Variants in ACOT11 observed in about 807,000 individuals in gnomAD.
The protein encoded by ACOT11 is acyl-CoA thioesterase 11.
In ACOT11, 69 loss-of-function variants were observed where a neutral mutation model predicts 77.5. The ratio of observed to expected loss-of-function variants is 0.89; its 90% confidence interval spans 0.73 to 1.09. The LOEUF is 1.09. Ranked by LOEUF, ACOT11 falls within the 50% of genes least tolerant of loss-of-function variation. The probability of loss-of-function intolerance (pLI) is 0.00; values close to 1 mark genes in which losing one functional copy is unlikely to be tolerated. For synonymous variants in ACOT11, 279 were observed against 313.0 expected (o/e 0.89, Z 1.15); for missense variants, 766 against 813.7 (o/e 0.94, Z 0.71).
chr1:54,636,927 C>T, exon 17 of ACOT11: 1 of 159,206 alleles, frequency 6.3e-6, no homozygotes, highest in Non-Finnish European at 1.4e-5. Context: ...TCCATTTAAC[C>T]CTGAGTTGAC....
At chr1:54,608,879 C>T (rs548123711) in intron 15 of ACOT11, 78 bp from the exon 16 acceptor site, 81 of 1,426,988 alleles carry the variant, frequency 5.7e-5, no homozygotes, top group Non-Finnish European at 7.2e-5. Flanking sequence ...CCACCAGCCT[C>T]GTGCCCACTG....
rs1228467673 is a variant in ACOT11, at chr1:54,601,393, T to C, written c.1009T>C (p.Trp337Arg). The C allele has an allele frequency of 6.2e-7, 1 of 1,613,130 alleles. No homozygotes were observed. The highest frequency in any genetic ancestry group is 8.5e-7 in the Non-Finnish European group (1 of 1,179,966). Residue 337 changes from tryptophan (W) to arginine (R), a missense_variant, in exon 9 of 16, where the codon TGG (tryptophan) becomes CGG (arginine). By Grantham distance (101) the Trp-to-Arg change is moderately radical. Coordinates refer to ENST00000343744, the MANE Select transcript of ACOT11 (RefSeq NM_147161.4). ...DADDQPQLLP[W>R]IRPQPGDGER... ...AGATGACCAGCCCCAGTTGCTGCCC[T>C]GGATTCGGCCCCAGCCCGGCGTAAG...
exon 17 of ACOT11, chr1:54,634,748 A>T: frequency 1.4e-6 from 1 of 702,516 alleles, no homozygotes; most frequent in South Asian, 1.5e-5. Context: ...CATGAGCCAG[A>T]TGCCAAGGAA....
At position 54,597,530 on chromosome 1, in the gene ACOT11, C is replaced by T. The variant is rs538033701; in HGVS notation, c.764+115C>T. The T allele has an allele frequency of 2.3e-5, 29 of 1,280,406 alleles. 1 individual carries two copies. The South Asian group carries it at 4.5e-4, about 20-fold the overall frequency. The allele number at this position is 1,280,406 out of a possible 1,614,324, so 79.3% of individuals were successfully genotyped here. ...GGGTTGGCATTCAAGGCTTCAGAAG[C>T]TTGGCTGTTCTGAATCAGAGAAATG... On this transcript the variant is annotated intron_variant, in intron 7 of 15. Coordinates refer to ENST00000343744, the MANE Select transcript of ACOT11 (RefSeq NM_147161.4).
At position 54,552,454 on chromosome 1, in the gene ACOT11, T is replaced by C. The variant is rs373705004; in HGVS notation, c.33+4112T>C. 3.9e-5 allele frequency among the ~76,000 whole-genome samples: 6 copies of C among 152,238 alleles called. No homozygotes were observed. The East Asian group carries it at 1.2e-3, about 29-fold the overall frequency. On this transcript the variant is annotated intron_variant, in intron 1 of 15. Coordinates refer to ENST00000343744, the MANE Select transcript of ACOT11 (RefSeq NM_147161.4). Reference sequence around the variant, plus strand: ...AGGAGCCATATGTGAACCCCCAGCCTCAGCCATGGGCAGACACTCTTAGTG... The same window carrying C: ...AGGAGCCATATGTGAACCCCCAGCCCCAGCCATGGGCAGACACTCTTAGTG...
At chr1:54,612,070 G>A (rs950049838), downstream of ACOT11, among the ~76,000 whole-genome samples, 5 of 151,098 alleles carry the variant, frequency 3.3e-5, no homozygotes, top group African/African-American at 7.3e-5. Context: ...GGCATCAAGA[G>A]GGGGAGGGGG....
chr1:54,572,568 GA>G (rs1010393004), intron 1 of ACOT11, among the ~76,000 whole-genome samples: 5 of 152,190 alleles, frequency 3.3e-5, no homozygotes, highest in South Asian at 2.1e-4. Context: ...CAGCTCCCCT[GA>G]GGGGGGGGGT....
chr1:54,568,343 AGGTTTTCC>A (rs1653808833), intron 1 of ACOT11, among the ~76,000 whole-genome samples: 2 of 146,730 alleles, frequency 1.4e-5, no homozygotes, highest in African/African-American at 5.1e-5. Context: ...TGTCTGTTTA[AGGTTTTCC>A]CAGCACCTTT....
chr1:54,607,818 T>A lies in ACOT11; in HGVS notation c.1503-124T>A. ...TTGGGGCTTTAAGAGTCGATGTGCCTTGCATCCCCCTGGTGAGGAATCTGT... is the reference window on the plus strand; with the variant it reads ...TTGGGGCTTTAAGAGTCGATGTGCCATGCATCCCCCTGGTGAGGAATCTGT... On this transcript the variant is annotated intron_variant, in intron 14 of 15. Coordinates refer to ENST00000343744, the MANE Select transcript of ACOT11 (RefSeq NM_147161.4). This position sits in a 1 kb window ranked among gnomAD's most constrained non-coding sequence, Gnocchi z 4.5. 7.5e-7 allele frequency: 1 copy of A among 1,328,926 alleles called. No homozygotes were observed. 82.3% of individuals were successfully genotyped at this position (1,328,926 alleles called of 1,614,324 possible).
At chr1:54,551,712 TTTG>T (rs774823507) in intron 1 of ACOT11, among the ~76,000 whole-genome samples, 2 of 151,108 alleles carry the variant, frequency 1.3e-5, no homozygotes, top group East Asian at 3.9e-4. Context: ...CTGTTTTTGT[TTTG>T]TTTTTGTTTT....
At chr1:54,564,189 A>G (rs1035916870) in intron 1 of ACOT11, among the ~76,000 whole-genome samples, 4 of 152,036 alleles carry the variant, frequency 2.6e-5, no homozygotes, top group Non-Finnish European at 5.9e-5. Flanking sequence ...GCAGTGAGCC[A>G]TGATGGCGCC....
At chr1:54,623,313 G>A in intron 15 of ACOT11, 1 of 1,614,062 alleles carries the variant, frequency 6.2e-7, no homozygotes, top group South Asian at 1.1e-5. Context: ...GACTATTGCG[G>A]CAATGACCAC....
chr1:54,574,503 T>A (rs545979521), intron 1 of ACOT11, among the ~76,000 whole-genome samples: 7 of 152,358 alleles, frequency 4.6e-5, no homozygotes, highest in African/African-American at 1.7e-4. Context: ...GGCAGGACCA[T>A]GGCAACTTAC....
downstream of ACOT11, chr1:54,610,997 T>C (rs1644111553): frequency 1.0e-6 from 1 of 985,270 alleles, no homozygotes; most frequent in Non-Finnish European, 1.2e-6. Flanking sequence ...AGTGGAGCTA[T>C]GCACCAAGGG....
chr1:54,586,744 TTTTC>T (rs1308809386), intron 3 of ACOT11, among the ~76,000 whole-genome samples: 2 of 152,112 alleles, frequency 1.3e-5, no homozygotes, highest in Non-Finnish European at 2.9e-5. Context: ...TTTTCTTTTC[TTTTC>T]TTTCTTTTAA....
At chr1:54,599,464 C>A (rs1347651789) in intron 8 of ACOT11, 49 bp downstream of exon 8, 1 of 1,498,800 alleles carries the variant, frequency 6.7e-7, no homozygotes, top group South Asian at 1.3e-5. Flanking sequence ...GCTGAGGGCT[C>A]TTCCTGACCC....
intron 1 of ACOT11, among the ~76,000 whole-genome samples, chr1:54,558,258 A>G (rs1188341907): frequency 6.6e-6 from 1 of 152,258 alleles, no homozygotes. Flanking sequence ...AACAATGATG[A>G]AAATCTGCAA....
At chr1:54,563,402 A>G (rs1294779910) in intron 1 of ACOT11, among the ~76,000 whole-genome samples, 1 of 152,244 alleles carries the variant, frequency 6.6e-6, no homozygotes, top group Admixed American at 6.5e-5. Context: ...TTTATAACCC[A>G]AGCCTCAGTT....
intron 1 of ACOT11, chr1:54,582,312 C>A: frequency 2.7e-6 from 1 of 369,400 alleles, no homozygotes; most frequent in Non-Finnish European, 3.7e-6. Flanking sequence ...ACTTGAGGGA[C>A]ACAGGTAGAA....
Sources: allele counts gnomAD v4.1 joint callset (sites outside exome capture counted in the v4.1 genomes callset), GRCh38; gene constraint gnomAD v4.1.1; non-coding constraint Gnocchi (gnomAD v3.1); transcripts MANE v1.5; gene names NCBI Gene and HGNC (gene_info 2026-07-23, HGNC 2026-07-21).